KLF12: variants seen among roughly 807,000 people sequenced by gnomAD.
The protein encoded by KLF12 is Krueppel-like factor 12.
A neutral mutation model predicts 37.8 loss-of-function variants in KLF12; 9 were observed. That is an observed-to-expected ratio of 0.24 (90% confidence interval 0.14 to 0.42). KLF12 has a LOEUF of 0.42. Ranked by LOEUF, KLF12 falls within the 10% of genes least tolerant of loss-of-function variation. KLF12 has a pLI of 1.00. For synonymous variants in KLF12, 208 were observed against 202.1 expected, an observed-to-expected ratio of 1.03 and a Z score of -0.25; for missense variants, 411 against 516.0, an observed-to-expected ratio of 0.80 and a Z score of 1.97.
At chr13:74,172,783 G>A in the KLF12 span, among the ~76,000 whole-genome samples, 1 of 152,230 alleles carries the variant, frequency 6.6e-6, no homozygotes, top group Middle Eastern at 3.4e-3. Flanking sequence ...GAAGAGCATG[G>A]GCGACCTGAA....
At chr13:73,906,582 T>C (rs1445767656) in intron 3 of KLF12, among the ~76,000 whole-genome samples, 1 of 152,234 alleles carries the variant, frequency 6.6e-6, no homozygotes, top group Non-Finnish European at 1.5e-5. Flanking sequence ...TCATCTTTTA[T>C]TTCTTTAAAT....
chr13:74,261,541 A>G, the KLF12 span, among the ~76,000 whole-genome samples: 6 of 152,246 alleles, frequency 3.9e-5, no homozygotes, highest in Admixed American at 3.3e-4. Context: ...AAAAGATAAA[A>G]AAAGTTTGTG....
At chr13:73,922,699 G>A (rs151150754) in intron 3 of KLF12, among the ~76,000 whole-genome samples, 3 of 152,232 alleles carry the variant, frequency 2.0e-5, no homozygotes, top group Admixed American at 6.5e-5. Flanking sequence ...AAAAGACAGT[G>A]AACACTGACT....
the KLF12 span, among the ~76,000 whole-genome samples, chr13:74,191,647 G>A: frequency 3.3e-5 from 5 of 152,136 alleles, no homozygotes; most frequent in Admixed American, 1.3e-4. Context: ...TGGCTGCACA[G>A]CTCTAGCATA....
chr13:74,040,738 T>C (rs1893379173), intron 1 of KLF12, among the ~76,000 whole-genome samples: 1 of 152,198 alleles, frequency 6.6e-6, no homozygotes, highest in Non-Finnish European at 1.5e-5. Context: ...AATATAGTCA[T>C]ACAAAACAGT....
chr13:73,951,870 CAGG>C lies in KLF12; in HGVS notation c.34-7803_34-7801del, dbSNP rs1388524766. On this transcript the variant is annotated intron_variant, in intron 2 of 7. Coordinates refer to ENST00000377669, the MANE Select transcript of KLF12 (RefSeq NM_007249.5). ...TGCCATTACACTAGAACATAAGTTC[CAGG>C]AGGACAGAGAGTTCTCTTTTTGTTC... is the stretch of plus-strand genomic sequence containing the variant. Among the ~76,000 whole-genome samples the C allele has an allele frequency of 3.9e-5, 6 of 152,320 alleles. No individual in the cohort carries two copies. In the East Asian group the frequency reaches 7.7e-4, roughly 20 times the overall value.
chr13:74,128,922 G>A (rs1878104057), intron 1 of KLF12, among the ~76,000 whole-genome samples: 1 of 150,868 alleles, frequency 6.6e-6, no homozygotes, highest in Non-Finnish European at 1.5e-5. Context: ...TGTGTGGGTG[G>A]GTTATGTACT....
intron 2 of KLF12, among the ~76,000 whole-genome samples, chr13:73,990,209 C>T (rs1891930794): frequency 6.6e-6 from 1 of 152,002 alleles, no homozygotes; most frequent in Admixed American, 6.6e-5. Flanking sequence ...AAGAGAAGAA[C>T]AAAATAGTGT....
At chr13:73,933,128 G>A (rs1889762062) in intron 3 of KLF12, among the ~76,000 whole-genome samples, 1 of 152,018 alleles carries the variant, frequency 6.6e-6, no homozygotes, top group Admixed American at 6.6e-5. Flanking sequence ...GGATTACTAA[G>A]GCAGACAAGC....
chr13:74,204,251 A>G, the KLF12 span, among the ~76,000 whole-genome samples: 6 of 152,176 alleles, frequency 3.9e-5, no homozygotes, highest in Admixed American at 3.9e-4. Context: ...TGTGCAAAGT[A>G]CCTGGCCCAG....
At chr13:74,208,708 C>T in the KLF12 span, among the ~76,000 whole-genome samples, 1 of 152,062 alleles carries the variant, frequency 6.6e-6, no homozygotes, top group African/African-American at 2.4e-5. Flanking sequence ...GGCATGGTGG[C>T]TTTTGCCTGT....
At chr13:74,221,027 A>G in the KLF12 span, among the ~76,000 whole-genome samples, 1 of 148,424 alleles carries the variant, frequency 6.7e-6, no homozygotes, top group Non-Finnish European at 1.5e-5. Flanking sequence ...TTTTTGAGAC[A>G]GAGTCTGGCT....
chr13:74,107,316 G>A (rs964192533), intron 1 of KLF12, among the ~76,000 whole-genome samples: 3 of 152,108 alleles, frequency 2.0e-5, no homozygotes, highest in African/African-American at 4.8e-5. Flanking sequence ...TTCCCAGTTC[G>A]GTTTCTAACT....
At chr13:74,251,372 C>T in the KLF12 span, among the ~76,000 whole-genome samples, 2 of 152,124 alleles carry the variant, frequency 1.3e-5, no homozygotes, top group Non-Finnish European at 2.9e-5. Context: ...TCTTGAACTC[C>T]TGACCTCAAG....
At chr13:73,915,348 A>G (rs889108262) in intron 3 of KLF12, among the ~76,000 whole-genome samples, 6 of 152,258 alleles carry the variant, frequency 3.9e-5, no homozygotes, top group East Asian at 1.9e-4. Flanking sequence ...AGAGATTAGG[A>G]CATGGATATC....
At chr13:74,285,915 C>G in the KLF12 span, among the ~76,000 whole-genome samples, 3 of 152,190 alleles carry the variant, frequency 2.0e-5, no homozygotes, top group African/African-American at 7.2e-5. Context: ...AGGCTCATAC[C>G]TCTGTTTCCA....
In KLF12 at chr13:73,771,984, C is replaced by A. The variant is rs549952973; in HGVS notation, c.807-6984G>T. ...TATGAAGTGAATAATATGGCATGGC[C>A]AGAGGGGAGAGATTCTTGCAAGTAT... is the stretch of plus-strand genomic sequence containing the variant. On this transcript the variant is annotated intron_variant, in intron 5 of 7. Transcript: ENST00000377669. 2.0e-5 allele frequency among the ~76,000 whole-genome samples: 3 copies of A among 152,212 alleles called. No homozygotes were observed. The South Asian group carries it at 6.2e-4, about 32-fold the overall frequency.
intron 2 of KLF12, among the ~76,000 whole-genome samples, chr13:73,944,353 T>C (rs925259073): frequency 3.9e-5 from 6 of 152,164 alleles, no homozygotes; most frequent in African/African-American, 1.4e-4. Context: ...CGTTAATTTA[T>C]ATGGGGCTGC....
chr13:74,136,350 G>T (rs754227964), upstream of KLF12, among the ~76,000 whole-genome samples: 1 of 152,204 alleles, frequency 6.6e-6, no homozygotes, highest in Non-Finnish European at 1.5e-5. Flanking sequence ...ACTACACCCG[G>T]ATGGAAACGA....
Sources: allele counts gnomAD v4.1 joint callset (sites outside exome capture counted in the v4.1 genomes callset), GRCh38; gene constraint gnomAD v4.1.1; transcripts MANE v1.5; gene names NCBI Gene and HGNC (gene_info 2026-07-23, HGNC 2026-07-21).